Variants in OSBPL9 observed in about 807,000 individuals in gnomAD.
OSBPL9 encodes the protein oxysterol binding protein like 9.
In OSBPL9, 40 loss-of-function variants were observed where a neutral mutation model predicts 106.6. That is an observed-to-expected ratio of 0.38 (90% CI 0.29 to 0.49). The LOEUF is 0.49. Among genes scored for constraint, OSBPL9 ranks in the 20% least tolerant of loss-of-function variants. The pLI, the probability that OSBPL9 is intolerant of heterozygous loss-of-function variation, is 0.97. For missense variants in OSBPL9, 609 were observed against 887.2 expected (o/e 0.69, Z 3.98); for synonymous variants, 269 against 295.4 (o/e 0.91, Z 0.92).
the OSBPL9 span, among the ~76,000 whole-genome samples, chr1:51,524,307 C>A: frequency 6.6e-6 from 1 of 152,172 alleles, no homozygotes; most frequent in African/African-American, 2.4e-5. Context: ...CTTTTCAGGG[C>A]AGTGGGATAC....
At chr1:51,557,966 C>G in the OSBPL9 span, among the ~76,000 whole-genome samples, 1 of 152,114 alleles carries the variant, frequency 6.6e-6, no homozygotes, top group South Asian at 2.1e-4. Flanking sequence ...GGCCATAGGC[C>G]AAACTAACTA....
chr1:51,583,605 C>T (rs1384916866), intron 1 of OSBPL9: 1 of 152,216 alleles, frequency 6.6e-6, no homozygotes, highest in Non-Finnish European at 1.5e-5. Context: ...TGGATCAGGC[C>T]TATTCGGTTC....
intron 1 of OSBPL9, among the ~76,000 whole-genome samples, chr1:51,644,063 G>C (rs937077826): frequency 6.3e-5 from 7 of 111,524 alleles, no homozygotes; most frequent in African/African-American, 2.5e-4. Flanking sequence ...CTGGGCAACA[G>C]AGTGAGACCT....
intron 4 of OSBPL9, among the ~76,000 whole-genome samples, chr1:51,715,298 C>T (rs1327340044): frequency 6.6e-6 from 1 of 152,180 alleles, no homozygotes; most frequent in African/African-American, 2.4e-5. Context: ...TTAAGCTACT[C>T]TGTGAGTTAT....
intron 1 of OSBPL9, among the ~76,000 whole-genome samples, chr1:51,631,467 A>G (rs1007344660): frequency 6.6e-6 from 1 of 151,970 alleles, no homozygotes; most frequent in African/African-American, 2.4e-5. Context: ...CTTGAGCCCA[A>G]CAGGTCGAGG....
intron 2 of OSBPL9, among the ~76,000 whole-genome samples, chr1:51,658,999 A>G (rs150029596): frequency 1.3e-5 from 2 of 152,166 alleles, no homozygotes; most frequent in Admixed American, 1.3e-4. Context: ...CATCTATTTA[A>G]TCTCTGTGAT....
At chr1:51,572,025 C>G in the OSBPL9 span, among the ~76,000 whole-genome samples, 24,135 of 152,106 alleles carry the variant, frequency 0.16, 3,723 homozygotes, top group African/African-American at 0.4. Flanking sequence ...CACAGCTTCC[C>G]GTGGGTCACA....
chr1:51,581,150 C>T (rs1246407586), intron 1 of OSBPL9, among the ~76,000 whole-genome samples: 1 of 150,620 alleles, frequency 6.6e-6, no homozygotes, highest in Non-Finnish European at 1.5e-5. Flanking sequence ...GCCTCAAACT[C>T]CTGGGCTTGA....
chr1:51,781,447 A>G (rs1000176665), intron 16 of OSBPL9, 112 bp downstream of exon 16: 4 of 1,087,698 alleles, frequency 3.7e-6, no homozygotes, highest in African/African-American at 1.6e-5. Flanking sequence ...GTCACCACCC[A>G]TAGAAGAAAT....
chr1:51,787,647 GA>G, intron 23 of OSBPL9, 67 bp from the exon 24 acceptor site: 1 of 1,593,198 alleles, frequency 6.3e-7, no homozygotes, highest in Non-Finnish European at 8.6e-7. Context: ...GAGCAGATAT[GA>G]AATAGTAAGT....
intron 15 of OSBPL9, 73 bp downstream of exon 15, chr1:51,776,991 G>A (rs1675233619): frequency 4.5e-6 from 5 of 1,117,344 alleles, no homozygotes; most frequent in Admixed American, 3.6e-5. Context: ...TTATTTTGCA[G>A]GATAGATGGA....
chr1:51,606,073 A>C (rs1643947267), intron 2 of OSBPL9, among the ~76,000 whole-genome samples: 1 of 152,238 alleles, frequency 6.6e-6, no homozygotes, highest in South Asian at 2.1e-4. Context: ...TCTCACAGTC[A>C]GTGTGGAGGC....
chr1:51,618,830 C>T (rs1644246995), intron 1 of OSBPL9, among the ~76,000 whole-genome samples: 1 of 152,176 alleles, frequency 6.6e-6, no homozygotes, highest in African/African-American at 2.4e-5. Context: ...TCACATAGCA[C>T]TAAGTGATGG....
chr1:51,714,061 A>T lies in OSBPL9; in HGVS notation c.300A>T (p.Arg100=). The change falls in exon 4 of 24, where the codon CGA becomes CGT. Residue 100 remains arginine (R), a synonymous_variant. Coordinates refer to ENST00000428468, the MANE Select transcript of OSBPL9 (RefSeq NM_024586.6). ...ATGCCTTAGAAGAAACAATTCTTCG[A>T]CATACTCTCCAGCTTCAAGTAAGGG... is the stretch of plus-strand genomic sequence containing the variant. The part of the protein sequence containing the change: ...WIHALEETIL[R]HTLQLQGLDS... 4.3e-6 allele frequency: 7 copies of T among 1,609,528 alleles called. No homozygotes were observed. The South Asian group carries it at 6.7e-5, about 15-fold the overall frequency.
the OSBPL9 span, chr1:51,565,710 C>G: frequency 6.6e-6 from 1 of 152,162 alleles, no homozygotes; most frequent in African/African-American, 2.4e-5. Context: ...CAGCCTGACC[C>G]CAGAGTTTAT....
intron 9 of OSBPL9, among the ~76,000 whole-genome samples, chr1:51,759,354 T>C (rs1266107277): frequency 6.6e-6 from 1 of 152,158 alleles, no homozygotes; most frequent in Non-Finnish European, 1.5e-5. Flanking sequence ...ATGTTTGTTT[T>C]TCACATGGCC....
the OSBPL9 span, among the ~76,000 whole-genome samples, chr1:51,529,015 A>C: frequency 6.6e-6 from 1 of 152,244 alleles, no homozygotes; most frequent in Non-Finnish European, 1.5e-5. Flanking sequence ...GACCTAAACA[A>C]ATGGAAAGAC....
chr1:51,675,495 T>C (rs1299899044), intron 3 of OSBPL9, among the ~76,000 whole-genome samples: 1 of 152,046 alleles, frequency 6.6e-6, no homozygotes, highest in East Asian at 1.9e-4. Flanking sequence ...GATAAAACCT[T>C]TGGATTTTTA....
chr1:51,641,180 A>G (rs574767151), intron 1 of OSBPL9, among the ~76,000 whole-genome samples: 3 of 152,212 alleles, frequency 2.0e-5, no homozygotes, highest in Non-Finnish European at 4.4e-5. Flanking sequence ...AAATGGACCA[A>G]GCAGGCAGAC....
Sources: allele counts gnomAD v4.1 joint callset (sites outside exome capture counted in the v4.1 genomes callset), GRCh38; gene constraint gnomAD v4.1.1; transcripts MANE v1.5; gene names NCBI Gene and HGNC (gene_info 2026-07-23, HGNC 2026-07-21).